Variants in FRMD5 observed in about 807,000 individuals in gnomAD.
FRMD5 encodes the protein FERM domain-containing protein 5.
FRMD5 carries 20 observed loss-of-function variants against 69.0 expected under a neutral mutation model. The observed-to-expected ratio is 0.29, with a 90% CI of 0.20 to 0.42. FRMD5 has a LOEUF of 0.42. FRMD5 is among the 10% of genes least tolerant of loss of function. The pLI, the probability that FRMD5 is intolerant of heterozygous loss-of-function variation, is 1.00. For missense variants in FRMD5, 595 were observed against 708.6 expected (o/e 0.84, Z 1.82); for synonymous variants, 271 against 260.1 (o/e 1.04, Z -0.40).
Position 43,874,171 on chromosome 15 carries a change from C to A in FRMD5, c.1427G>T (p.Gly476Val). 2 of 1,614,208 alleles carry A rather than the reference C, an allele frequency of 1.2e-6. No individual in the cohort carries two copies. The highest frequency in any genetic ancestry group is 2.2e-5 in the South Asian group (2 of 91,082). The stretch of plus-strand genomic sequence containing the variant: ...CTGACACAGGGCCCTCAGCTCTCCC[C>A]CAAGGGCCTCCACCTCTGTAGCAGT... ...TPTATEVEAL[G>V]GELRALCQGH... The change falls in exon 14 of 14, where the codon GGG (glycine) becomes GTG (valine). Residue 476 changes from glycine to valine, a missense_variant. By Grantham distance (109) the Gly-to-Val change is moderately radical. Around this residue, in one of 5 missense-constraint regions of FRMD5, gnomAD observed 245 missense variants for 227.1 expected, o/e 1.08. Transcript: ENST00000417257.
At chr15:43,913,885 A>T (rs951040535) in intron 4 of FRMD5, among the ~76,000 whole-genome samples, 1 of 152,234 alleles carries the variant, frequency 6.6e-6, no homozygotes, top group African/African-American at 2.4e-5. Flanking sequence ...TATCAGAGAG[A>T]TATTCTCACT....
intron 1 of FRMD5, among the ~76,000 whole-genome samples, chr15:43,945,839 C>T (rs1421841673): frequency 2.0e-5 from 3 of 152,088 alleles, no homozygotes; most frequent in South Asian, 2.1e-4. Context: ...AGGTGGATCA[C>T]GAGGTCAGGA....
At chr15:44,081,471 G>A (rs183138514) in intron 1 of FRMD5, among the ~76,000 whole-genome samples, 1 of 152,130 alleles carries the variant, frequency 6.6e-6, no homozygotes, top group East Asian at 1.9e-4. Flanking sequence ...CTTTTAGGTG[G>A]AATCCAGTAA....
intron 1 of FRMD5, chr15:43,989,468 G>C (rs1446718022): frequency 1.2e-6 from 1 of 816,836 alleles, no homozygotes; most frequent in Non-Finnish European, 2.2e-6. Context: ...GCAGCTTGTA[G>C]CTATCTCCAG....
intron 6 of FRMD5, among the ~76,000 whole-genome samples, chr15:43,904,461 C>T (rs1485800050): frequency 6.6e-6 from 1 of 152,086 alleles, no homozygotes; most frequent in African/African-American, 2.4e-5. Context: ...CTCCACCTCC[C>T]AGGTTCAAGT....
At chr15:43,897,487 CAAAAAAAAAAAAAAAAA>C (rs34243475) in intron 7 of FRMD5, among the ~76,000 whole-genome samples, 2 of 16,138 alleles carry the variant, frequency 1.2e-4, no homozygotes, top group Admixed American at 1.5e-3. Flanking sequence ...CACTCCATCT[CAAAAAAAAAAAAAAAAA>C]AAAAAAAAAA....
chr15:43,900,941 CTG>C (rs1365336309), intron 7 of FRMD5, among the ~76,000 whole-genome samples: 3 of 152,266 alleles, frequency 2.0e-5, no homozygotes, highest in African/African-American at 4.8e-5. Context: ...GCGCTATACA[CTG>C]TGTCTTCAAA....
chr15:44,078,808 T>C (rs1185650214), intron 1 of FRMD5, among the ~76,000 whole-genome samples: 1 of 152,120 alleles, frequency 6.6e-6, no homozygotes, highest in African/African-American at 2.4e-5. Flanking sequence ...GATCTACATA[T>C]AGGAGCCCAA....
intron 7 of FRMD5, among the ~76,000 whole-genome samples, chr15:43,899,655 C>T (rs2088997537): frequency 6.6e-6 from 1 of 152,216 alleles, no homozygotes; most frequent in South Asian, 2.1e-4. Flanking sequence ...TCCCTCCCTC[C>T]CTCTTTCCTT....
chr15:43,927,214 C>T (rs2089599770), intron 1 of FRMD5, among the ~76,000 whole-genome samples: 1 of 152,132 alleles, frequency 6.6e-6, no homozygotes, highest in Admixed American at 6.5e-5. Context: ...GAATTCTTAT[C>T]TTCTCAATGG....
chr15:44,123,795 A>T (rs2615287), intron 1 of FRMD5, among the ~76,000 whole-genome samples: 125,514 of 152,134 alleles, frequency 0.83, 54,562 homozygotes, highest in Non-Finnish European at 0.95. Flanking sequence ...GAGAAAATAC[A>T]ATGTTAGAAA....
At chr15:43,923,920 C>T (rs1350422219) in intron 2 of FRMD5, among the ~76,000 whole-genome samples, 4 of 152,196 alleles carry the variant, frequency 2.6e-5, no homozygotes, top group Non-Finnish European at 5.9e-5. Flanking sequence ...ACTTGGGCTC[C>T]GAGACCACAA....
At chr15:43,888,076 C>G (rs750314432) in intron 10 of FRMD5, 99 bp downstream of exon 10, 27 of 879,792 alleles carry the variant, frequency 3.1e-5, no homozygotes, top group Non-Finnish European at 4.4e-5. Flanking sequence ...CCACTTCCAG[C>G]TACCCCGCCC....
chr15:44,087,694 A>G (rs945835597), intron 1 of FRMD5, among the ~76,000 whole-genome samples: 1 of 152,178 alleles, frequency 6.6e-6, no homozygotes, highest in African/African-American at 2.4e-5. Context: ...AATGCTTAGA[A>G]TAGTGCCTGA....
At chr15:44,199,350 C>G (rs1173005994), upstream of FRMD5, among the ~76,000 whole-genome samples, 1 of 152,212 alleles carries the variant, frequency 6.6e-6, no homozygotes, top group African/African-American at 2.4e-5. Flanking sequence ...GGCTTCCATT[C>G]TGGTTCATGT....
rs2077792148 is a variant in FRMD5, at chr15:44,170,960, C to A, written c.102+23993G>T. On this transcript the variant is annotated intron_variant, in intron 1 of 13. Coordinates refer to ENST00000417257, the MANE Select transcript of FRMD5 (RefSeq NM_032892.5). ...GAAAGCCATTCCATGACAAGATATA[C>A]CTATATTGCTCTATCTCATAAAGCT... 2.6e-5 allele frequency among the ~76,000 whole-genome samples: 4 copies of A among 152,162 alleles called. No individual in the cohort carries two copies. The South Asian group carries it at 8.3e-4, about 32-fold the overall frequency.
intron 1 of FRMD5, among the ~76,000 whole-genome samples, chr15:44,117,024 G>A (rs1334177987): frequency 6.6e-6 from 1 of 151,700 alleles, no homozygotes; most frequent in Non-Finnish European, 1.5e-5. Flanking sequence ...AAAATCACTT[G>A]AACCCGGGAG....
intron 1 of FRMD5, among the ~76,000 whole-genome samples, chr15:43,973,471 G>A (rs1054289686): frequency 4.6e-5 from 7 of 151,104 alleles, no homozygotes; most frequent in African/African-American, 9.7e-5. Flanking sequence ...AGGTTCAAGC[G>A]ATTCTCCTGG....
Position 44,104,243 on chromosome 15 carries a change from A to G in FRMD5, c.102+90710T>C, listed in dbSNP as rs181591411. ...ATAGAATATTTTTAAATGTTTTTGT[A>G]CAACTGTGCAATGTGTTTATATTTT... On this transcript the variant is annotated intron_variant, in intron 1 of 13. Coordinates refer to ENST00000417257, the MANE Select transcript of FRMD5 (RefSeq NM_032892.5). Among the ~76,000 whole-genome samples, 4 of 152,344 alleles carry G rather than the reference A, an allele frequency of 2.6e-5. No homozygotes were observed. In the East Asian group the frequency reaches 7.7e-4, roughly 29 times the overall value.
Sources: gnomAD v4.1 joint callset for allele counts (sites outside exome capture counted in the v4.1 genomes callset) on GRCh38, gnomAD v4.1.1 for gene constraint, gnomAD v4.1.1 regional missense constraint, MANE v1.5 for transcripts, NCBI Gene and HGNC (gene_info 2026-07-23, HGNC 2026-07-21) for gene names.